ARID1A: variants seen among roughly 807,000 people sequenced by gnomAD.
The protein encoded by ARID1A is AT-rich interaction domain 1A, also known as AT-rich interactive domain-containing protein 1A.
Under a neutral mutation model 212.6 loss-of-function variants are expected in ARID1A, and 20 were observed. The ratio of observed to expected loss-of-function variants is 0.09; its 90% CI spans 0.07 to 0.14. The LOEUF is 0.14. Ranked by LOEUF, ARID1A falls within the 10% of genes least tolerant of loss-of-function variation. The probability of loss-of-function intolerance (pLI) is 1.00; values close to 1 mark genes in which losing one functional copy is unlikely to be tolerated. For missense variants in ARID1A, 2,587 were observed against 3,059.0 expected (o/e 0.85, Z 3.64); for synonymous variants, 1,376 against 1,222.1 (o/e 1.13, Z -2.63).
At chr1:26,755,249 C>T (rs2080918664) in intron 4 of ARID1A, among the ~76,000 whole-genome samples, 1 of 152,180 alleles carries the variant, frequency 6.6e-6, no homozygotes, top group Non-Finnish European at 1.5e-5. Flanking sequence ...ATGATTTACC[C>T]CTTTCTATGC....
In ARID1A at chr1:26,696,922, T is replaced by G. The variant is rs781178890; in HGVS notation, c.519T>G (p.His173Gln). The G allele has an allele frequency of 7.0e-7, 1 of 1,420,980 alleles. No individual in the cohort carries two copies. The highest frequency in any genetic ancestry group is 9.2e-7 in the Non-Finnish European group (1 of 1,091,826). 88.0% of individuals were successfully genotyped at this position (1,420,980 alleles called of 1,614,324 possible). ...CGGCCGCCGTCTTCCACCAACAACA[T>G]GGCGGACAACAAAGCCCTGGCCTGG... ...AAAAAVFHQQ[H>Q]GGQQSPGLAA... The change falls in exon 1 of 20, where the codon CAT (histidine) becomes CAG (glutamine). Residue 173 changes from histidine to glutamine, a missense_variant. By Grantham distance (24) the His-to-Gln change is conservative (BLOSUM62 0). Coordinates refer to ENST00000324856, the MANE Select transcript of ARID1A (RefSeq NM_006015.6).
intron 12 of ARID1A, 93 bp from the exon 13 acceptor site, chr1:26,772,407 T>C: frequency 6.3e-7 from 1 of 1,575,368 alleles, no homozygotes; most frequent in African/African-American, 1.3e-5. Flanking sequence ...AGGAAGAACT[T>C]TCCCAAAGAG....
intron 1 of ARID1A, among the ~76,000 whole-genome samples, chr1:26,714,369 C>A (rs2080481653): frequency 6.6e-6 from 1 of 152,064 alleles, no homozygotes; most frequent in Non-Finnish European, 1.5e-5. Flanking sequence ...GACCTTAAAA[C>A]CTGAGGATTT....
intron 13 of ARID1A, 27 bp from the exon 14 acceptor site, chr1:26,772,785 G>A (rs2124106246): frequency 6.2e-7 from 1 of 1,609,210 alleles, no homozygotes; most frequent in Non-Finnish European, 8.5e-7. Flanking sequence ...TTTATTTGTG[G>A]TTTACTTGGT....
chr1:26,728,952 CTCTG>C (rs2080646271), intron 1 of ARID1A: 2 of 152,186 alleles, frequency 1.3e-5, no homozygotes, highest in African/African-American at 4.8e-5. Context: ...AGCTGTACCT[CTCTG>C]TCTTCTTGCT....
chr1:26,749,991 C>G (rs977763857), intron 4 of ARID1A, among the ~76,000 whole-genome samples: 2 of 152,182 alleles, frequency 1.3e-5, no homozygotes, highest in Non-Finnish European at 2.9e-5. Flanking sequence ...ATTCATTGAG[C>G]AACATTTATC....
intron 19 of ARID1A, among the ~76,000 whole-genome samples, chr1:26,776,512 A>C (rs1327761304): frequency 1.3e-5 from 2 of 151,670 alleles, no homozygotes; most frequent in Non-Finnish European, 2.9e-5. Flanking sequence ...TGACCTCGTG[A>C]TCCAGCCGCC....
chr1:26,781,007 A>G lies in ARID1A; in HGVS notation c.*251A>G, dbSNP rs930879662. On this transcript the variant is annotated 3_prime_UTR_variant, in exon 20 of 20. Coordinates refer to ENST00000324856, the MANE Select transcript of ARID1A (RefSeq NM_006015.6). ...CAGGACCCTACCCCACCCTCTTTGA[A>G]AAGACAAAGCTCTGCCTACATAGAA... The G allele has an allele frequency of 4.6e-5, 19 of 417,438 alleles. No homozygotes were observed. The highest frequency in any genetic ancestry group is 6.2e-4 in the Middle Eastern group (1 of 1,622). The allele number at this position is 417,438 out of a possible 1,614,324, so 25.9% of individuals were successfully genotyped here.
At chr1:26,720,603 C>T (rs1392443022) in intron 1 of ARID1A, among the ~76,000 whole-genome samples, 2 of 152,132 alleles carry the variant, frequency 1.3e-5, no homozygotes, top group Admixed American at 6.5e-5. Context: ...CCTGGCTGGG[C>T]GCAGTGGCTC....
intron 1 of ARID1A, among the ~76,000 whole-genome samples, chr1:26,704,435 C>T (rs765940518): frequency 6.6e-6 from 1 of 152,150 alleles, no homozygotes; most frequent in African/African-American, 2.4e-5. Flanking sequence ...GACTCTTAGG[C>T]TGCTATTTCT....
chr1:26,706,441 C>A (rs940142773), intron 1 of ARID1A, among the ~76,000 whole-genome samples: 1 of 152,172 alleles, frequency 6.6e-6, no homozygotes, highest in African/African-American at 2.4e-5. Flanking sequence ...CAATTAAAAG[C>A]CCATTTGGTG....
rs1212915399 is a variant in ARID1A at position 26,696,798 on chromosome 1, T to A, written c.395T>A (p.Val132Glu). The change falls in exon 1 of 20, where the codon GTG becomes GAG. Residue 132 changes from valine to glutamate, a missense_variant. By Grantham distance (121) the Val-to-Glu change is moderately radical. Transcript: ENST00000324856. ...GGCGGTGGCGGCAGCAGCGATGGGG[T>A]GGGGGCGCCTCCTCACTCAGCCGCG... ...GGGGGGSSDG[V>E]GAPPHSAAAA... 12 of 1,334,040 alleles carry A rather than the reference T, an allele frequency of 9.0e-6. No individual in the cohort carries two copies. The highest frequency in any genetic ancestry group is 1.1e-5 in the Non-Finnish European group (12 of 1,047,318). 82.6% of individuals were successfully genotyped at this position (1,334,040 alleles called of 1,614,324 possible). A position where few individuals can be genotyped will look rare whatever the true frequency, so the allele number is the denominator to read the frequency against.
rs756230450 is a variant in ARID1A, at chr1:26,775,525, G to A, written c.4994-52G>A. ...TCACTGATGGGGCAGCCCTAGGGGTGCCTCCAGCCAACCTGGGCTTGGTGG... is the reference window on the plus strand; with the variant it reads ...TCACTGATGGGGCAGCCCTAGGGGTACCTCCAGCCAACCTGGGCTTGGTGG... On this transcript the variant is annotated intron_variant, in intron 18 of 19. Coordinates refer to ENST00000324856, the MANE Select transcript of ARID1A (RefSeq NM_006015.6). 5 of 1,609,020 alleles carry A rather than the reference G, an allele frequency of 3.1e-6. No homozygotes were observed. In the Admixed American group the frequency reaches 6.7e-5, roughly 22 times the overall value.
intron 4 of ARID1A, among the ~76,000 whole-genome samples, chr1:26,757,631 G>A (rs548769673): frequency 6.6e-6 from 1 of 151,986 alleles, no homozygotes; most frequent in East Asian, 1.9e-4. Flanking sequence ...TCATGAGAAT[G>A]TTCATGTTTT....
At chr1:26,699,445 C>T (rs755985841) in intron 1 of ARID1A, among the ~76,000 whole-genome samples, 1 of 152,204 alleles carries the variant, frequency 6.6e-6, no homozygotes, top group Non-Finnish European at 1.5e-5. Context: ...ATTTTGTTCA[C>T]TTACTAGCTG....
At chr1:26,709,872 G>A (rs902750017) in intron 1 of ARID1A, among the ~76,000 whole-genome samples, 17 of 149,060 alleles carry the variant, frequency 1.1e-4, no homozygotes, top group South Asian at 2.1e-4. Flanking sequence ...TCGCTCTGTC[G>A]GCCAGGCTGA....
At chr1:26,719,805 G>A (rs1466840415) in intron 1 of ARID1A, among the ~76,000 whole-genome samples, 1 of 151,738 alleles carries the variant, frequency 6.6e-6, no homozygotes, top group African/African-American at 2.4e-5. Flanking sequence ...GCCGGGCATG[G>A]TGACATGCGC....
intron 19 of ARID1A, 175 bp from the exon 20 acceptor site, chr1:26,778,848 G>T: frequency 3.5e-6 from 2 of 571,128 alleles, no homozygotes; most frequent in Non-Finnish European, 5.8e-6. Context: ...AGAACTTTGT[G>T]TTGGGCATAG....
chr1:26,757,820 C>G (rs1428700901), intron 4 of ARID1A, among the ~76,000 whole-genome samples: 8 of 152,226 alleles, frequency 5.3e-5, no homozygotes, highest in African/African-American at 1.9e-4. Context: ...AGGTGCCCAC[C>G]ACCACGCCCG....
Sources: allele counts gnomAD v4.1 joint callset (sites outside exome capture counted in the v4.1 genomes callset), GRCh38; gene constraint gnomAD v4.1.1; transcripts MANE v1.5; gene names NCBI Gene and HGNC (gene_info 2026-07-23, HGNC 2026-07-21).